Variants in BTBD9 observed in about 807,000 individuals in gnomAD.
BTBD9 encodes BTB/POZ domain-containing protein 9.
Under a neutral mutation model 64.3 loss-of-function variants are expected in BTBD9, and 49 were observed. The ratio of observed to expected loss-of-function variants is 0.76; its 90% CI spans 0.61 to 0.97. The LOEUF (loss-of-function observed/expected upper bound fraction) is 0.97. Ranked by LOEUF, BTBD9 falls within the 50% of genes least tolerant of loss-of-function variation. BTBD9 has a pLI of 0.00. For synonymous variants in BTBD9, 260 were observed against 274.7 expected, an observed-to-expected ratio of 0.95 and a Z score of 0.53; for missense variants, 598 against 762.1, an observed-to-expected ratio of 0.78 and a Z score of 2.53.
intron 9 of BTBD9, among the ~76,000 whole-genome samples, chr6:38,242,709 C>T (rs1017203335): frequency 4.6e-5 from 7 of 152,216 alleles, no homozygotes; most frequent in African/African-American, 1.7e-4. Flanking sequence ...GTATGAGCCT[C>T]TACCTACTAG....
intron 6 of BTBD9, among the ~76,000 whole-genome samples, chr6:38,505,421 T>C (rs1772427320): frequency 6.6e-6 from 1 of 151,840 alleles, no homozygotes; most frequent in African/African-American, 2.4e-5. Context: ...GGTCAGGAGT[T>C]TGAGATTAGC....
intron 9 of BTBD9, among the ~76,000 whole-genome samples, chr6:38,254,554 T>C (rs1764510993): frequency 6.6e-6 from 1 of 152,078 alleles, no homozygotes; most frequent in East Asian, 1.9e-4. Flanking sequence ...GGAAGATCAC[T>C]TGAGCCCAGG....
At chr6:38,459,408 T>C (rs532511503) in intron 6 of BTBD9, among the ~76,000 whole-genome samples, 2 of 152,354 alleles carry the variant, frequency 1.3e-5, no homozygotes, top group African/African-American at 2.4e-5. Context: ...GGTGAAGTCA[T>C]GTTACTGGTT....
intron 6 of BTBD9, among the ~76,000 whole-genome samples, chr6:38,389,886 T>C (rs1325870334): frequency 6.6e-6 from 1 of 152,246 alleles, no homozygotes; most frequent in African/African-American, 2.4e-5. Context: ...CAGTCAAAGC[T>C]CTTAATAAAA....
intron 7 of BTBD9, among the ~76,000 whole-genome samples, chr6:38,343,876 G>A (rs1364101320): frequency 6.6e-6 from 1 of 152,150 alleles, no homozygotes; most frequent in African/African-American, 2.4e-5. Context: ...GCAGGTGTTA[G>A]GAAAATTTAG....
At position 38,306,210 on chromosome 6, in the gene BTBD9, T is replaced by G. The variant is rs183009519; in HGVS notation, c.1265-17749A>C. Among the ~76,000 whole-genome samples the G allele has an allele frequency of 3.9e-5, 6 of 152,340 alleles. No individual in the cohort carries two copies. In the East Asian group the frequency reaches 1.2e-3, roughly 29 times the overall value. Reference sequence around the variant, plus strand: ...AACACCATCTGGATGGGACTGAGCTTTCTGCTCTATTTCTAGTCTTCCAGT... The same window carrying G: ...AACACCATCTGGATGGGACTGAGCTGTCTGCTCTATTTCTAGTCTTCCAGT... On this transcript the variant is annotated intron_variant, in intron 7 of 10. Transcript: ENST00000481247.
At chr6:38,278,877 A>G (rs1364721104) in intron 8 of BTBD9, among the ~76,000 whole-genome samples, 1 of 152,214 alleles carries the variant, frequency 6.6e-6, no homozygotes, top group Non-Finnish European at 1.5e-5. Flanking sequence ...GAAGATCCTG[A>G]CCATTAAGTC....
At chr6:38,596,389 T>C (rs1016604016) in intron 2 of BTBD9, among the ~76,000 whole-genome samples, 1 of 152,208 alleles carries the variant, frequency 6.6e-6, no homozygotes, top group Admixed American at 6.5e-5. Context: ...TTTTTAAGGA[T>C]ATACTAATCA....
intron 8 of BTBD9, among the ~76,000 whole-genome samples, chr6:38,286,783 T>TA (rs1025703895): frequency 6.6e-6 from 1 of 152,050 alleles, no homozygotes; most frequent in African/African-American, 2.4e-5. Flanking sequence ...ATTACTTTAT[T>TA]AAAAAAATTT....
intron 6 of BTBD9, among the ~76,000 whole-genome samples, chr6:38,372,762 C>T (rs1181484939): frequency 6.6e-6 from 1 of 152,192 alleles, no homozygotes. Context: ...TTCCTTCCAA[C>T]AATTTTCCCA....
chr6:38,634,032 T>C (rs1644212266), intron 1 of BTBD9, among the ~76,000 whole-genome samples: 2 of 152,200 alleles, frequency 1.3e-5, no homozygotes, highest in African/African-American at 4.8e-5. Flanking sequence ...GTTTTCTCTA[T>C]GCCCAGCACT....
chr6:38,478,446 TA>T (rs1248287979), intron 6 of BTBD9, among the ~76,000 whole-genome samples: 1 of 152,212 alleles, frequency 6.6e-6, no homozygotes, highest in African/African-American at 2.4e-5. Flanking sequence ...TCTTGTCTCC[TA>T]TTTTTTTTAG....
intron 6 of BTBD9, among the ~76,000 whole-genome samples, chr6:38,382,717 T>G (rs1374846075): frequency 6.6e-6 from 1 of 151,956 alleles, no homozygotes; most frequent in Non-Finnish European, 1.5e-5. Flanking sequence ...ATTTTAGGCA[T>G]GAGGAAAACA....
intron 6 of BTBD9, among the ~76,000 whole-genome samples, chr6:38,350,099 A>G (rs535066505): frequency 6.6e-6 from 1 of 152,276 alleles, no homozygotes; most frequent in East Asian, 1.9e-4. Flanking sequence ...AACCATACCC[A>G]GTGACGTGGT....
At chr6:38,433,869 T>C (rs1225137190) in intron 6 of BTBD9, among the ~76,000 whole-genome samples, 1 of 152,016 alleles carries the variant, frequency 6.6e-6, no homozygotes, top group African/African-American at 2.4e-5. Flanking sequence ...TCTGTTAAGT[T>C]CACTGCTGTA....
chr6:38,381,781 TAC>T (rs1765944282), intron 6 of BTBD9, among the ~76,000 whole-genome samples: 2 of 152,018 alleles, frequency 1.3e-5, no homozygotes, highest in South Asian at 4.2e-4. Flanking sequence ...CAACTCTACA[TAC>T]ACACATACAT....
intron 6 of BTBD9, among the ~76,000 whole-genome samples, chr6:38,567,840 G>A (rs1156274664): frequency 6.6e-6 from 1 of 151,816 alleles, no homozygotes; most frequent in Non-Finnish European, 1.5e-5. Context: ...CATATTTCCT[G>A]TGGAAAAAAA....
intron 1 of BTBD9, among the ~76,000 whole-genome samples, chr6:38,635,978 T>C (rs73414327): frequency 0.017 from 2,519 of 152,238 alleles, 66 homozygotes; most frequent in African/African-American, 0.057. Flanking sequence ...TTTTCTGGCA[T>C]TGGGGCCTCT....
At chr6:38,613,295 G>A (rs1777672234) in intron 1 of BTBD9, among the ~76,000 whole-genome samples, 1 of 152,100 alleles carries the variant, frequency 6.6e-6, no homozygotes, top group South Asian at 2.1e-4. Flanking sequence ...CTTAGGAAAG[G>A]CAATAAAGAG....
Sources: gnomAD v4.1 joint callset for allele counts (sites outside exome capture counted in the v4.1 genomes callset) on GRCh38, gnomAD v4.1.1 for gene constraint, MANE v1.5 for transcripts, NCBI Gene and HGNC (gene_info 2026-07-23, HGNC 2026-07-21) for gene names.